The following UBR2 variants were observed in gnomAD, a reference collection of about 807,000 sequenced individuals.
The protein encoded by UBR2 is E3 ubiquitin-protein ligase UBR2.
Under a neutral mutation model 247.9 loss-of-function variants are expected in UBR2, and 92 were observed. The observed-to-expected ratio is 0.37, with a 90% confidence interval of 0.31 to 0.44. UBR2 has a LOEUF of 0.44. Ranked by LOEUF, UBR2 falls within the 20% of genes least tolerant of loss-of-function variation. The probability of loss-of-function intolerance (pLI) is 1.00; values close to 1 mark genes in which losing one functional copy is unlikely to be tolerated. For synonymous variants in UBR2, 672 were observed against 693.5 expected (o/e 0.97, Z 0.49); for missense variants, 1,613 against 2,112.6 (o/e 0.76, Z 4.64).
At chr6:42,676,312 C>A in intron 39 of UBR2, 121 bp downstream of exon 39, 3 of 1,121,602 alleles carry the variant, frequency 2.7e-6, no homozygotes, top group Non-Finnish European at 2.4e-6. Flanking sequence ...CTGTTTTTTT[C>A]TGTGTATCTT....
intron 44 of UBR2, among the ~76,000 whole-genome samples, 156 bp downstream of exon 44, chr6:42,685,027 A>G (rs1225079676): frequency 1.3e-5 from 2 of 152,038 alleles, no homozygotes; most frequent in African/African-American, 2.4e-5. Context: ...AAAAAGAAGA[A>G]ACTTGGCGAG....
intron 2 of UBR2, among the ~76,000 whole-genome samples, chr6:42,580,879 T>C (rs923109987): frequency 6.6e-6 from 1 of 152,110 alleles, no homozygotes; most frequent in Non-Finnish European, 1.5e-5. Flanking sequence ...CCTTATATGA[T>C]TTATGTATTG....
At chr6:42,627,667 GTTTTT>G (rs545353663) in intron 11 of UBR2, among the ~76,000 whole-genome samples, 3 of 146,632 alleles carry the variant, frequency 2.0e-5, no homozygotes, top group Non-Finnish European at 3.0e-5. Flanking sequence ...ACCTGGCTAA[GTTTTT>G]TTTTTTATCT....
In UBR2 at chr6:42,619,447, ATATATATT is replaced by A. The variant is rs763201885; in HGVS notation, c.1281+1942_1281+1949del. 138 of 29,628 alleles carry A rather than the reference ATATATATT, an allele frequency of 4.7e-3. 2 individuals carry two copies. Among genetic ancestry groups the A allele is most frequent in the East Asian group, 0.028 (17 of 604 alleles). 1.8% of individuals were successfully genotyped at this position (29,628 alleles called of 1,614,324 possible). ...TATATATATATATATATATATATAT[ATATATATT>A]TTTTTTTTTTAGTTCTCTATCTCTG... On this transcript the variant is annotated intron_variant, in intron 11 of 46. Coordinates refer to ENST00000372901, the MANE Select transcript of UBR2 (RefSeq NM_001363705.2).
chr6:42,582,535 CT>C (rs1791978213), intron 2 of UBR2, among the ~76,000 whole-genome samples: 1 of 151,972 alleles, frequency 6.6e-6, no homozygotes. Context: ...ACTGCTAAAC[CT>C]TTTTTCCAAA....
At chr6:42,645,736 A>G (rs1013873777) in intron 21 of UBR2, 146 bp downstream of exon 21, 5 of 792,528 alleles carry the variant, frequency 6.3e-6, no homozygotes, top group South Asian at 5.6e-5. Flanking sequence ...CACTCTTATT[A>G]TGAATAATTA....
chr6:42,587,097 G>T (rs1216764180), intron 2 of UBR2, among the ~76,000 whole-genome samples: 2 of 152,024 alleles, frequency 1.3e-5, no homozygotes, highest in Non-Finnish European at 2.9e-5. Context: ...TGGAATTACA[G>T]GCATGAGCCA....
chr6:42,578,760 A>G (rs1380180848), intron 2 of UBR2, among the ~76,000 whole-genome samples: 5 of 152,088 alleles, frequency 3.3e-5, no homozygotes. Context: ...TTGTTCTTTC[A>G]GTTTCTTGCT....
At chr6:42,682,254 G>A (rs1020134448) in intron 42 of UBR2, among the ~76,000 whole-genome samples, 3 of 152,050 alleles carry the variant, frequency 2.0e-5, no homozygotes, top group Admixed American at 6.5e-5. Flanking sequence ...CCAGGGGCTG[G>A]GAGAAGGAAT....
Position 42,644,536 on chromosome 6 carries a change from G to A in UBR2, c.2284G>A (p.Gly762Arg), listed in dbSNP as rs754144193. 4 of 1,607,204 alleles carry A rather than the reference G, an allele frequency of 2.5e-6. No individual in the cohort carries two copies. Among genetic ancestry groups the A allele is most frequent in the Non-Finnish European group, 2.5e-6 (3 of 1,177,526 alleles). ...GCTATACCTCATTATAATGCTTGTT[G>A]GTAAGTTTAAATTGTTTGAGGCATT... ...EMLYLIIMLV[G>R]ERFSPGVGQV... Residue 762 changes from glycine (G) to arginine (R), a missense_variant and splice_region_variant, in exon 20 of 47, where the codon GGA becomes AGA. Physicochemically the swap from Gly to Arg is moderately radical, Grantham distance 125 (BLOSUM62 -2). Coordinates refer to ENST00000372901, the MANE Select transcript of UBR2 (RefSeq NM_001363705.2).
intron 3 of UBR2, among the ~76,000 whole-genome samples, chr6:42,592,978 T>C (rs1792762470): frequency 6.6e-6 from 1 of 151,938 alleles, no homozygotes; most frequent in Admixed American, 6.6e-5. Context: ...ATCAACACCA[T>C]CCTGGCTAAC....
chr6:42,651,348 TTAAA>T lies in UBR2; in HGVS notation c.2566-671_2566-668del, dbSNP rs145403733. 4.0e-3 allele frequency among the ~76,000 whole-genome samples: 608 copies of T among 152,240 alleles called. 1 individual carries two copies. The highest frequency in any genetic ancestry group is 0.014 in the African/African-American group (565 of 41,546). The stretch of plus-strand genomic sequence containing the variant: ...TTTGATGAAGTCATAGAGTTCAAAC[TTAAA>T]TAAGTTTGTACTTATTTAAGTACAT... On this transcript the variant is annotated intron_variant, in intron 23 of 46. Coordinates refer to ENST00000372901, the MANE Select transcript of UBR2 (RefSeq NM_001363705.2).
Position 42,659,948 on chromosome 6 carries a change from A to T in UBR2, c.3442+93A>T. 8.1e-7 allele frequency: 1 copy of T among 1,242,136 alleles called. No individual in the cohort carries two copies. The highest frequency in any genetic ancestry group is 2.0e-5 in the Admixed American group (1 of 51,216). The allele number at this position is 1,242,136 out of a possible 1,614,324, so 76.9% of individuals were successfully genotyped here. A position where few individuals can be genotyped will look rare whatever the true frequency, so the allele number is the denominator to read the frequency against. On this transcript the variant is annotated intron_variant, in intron 30 of 46. Coordinates refer to ENST00000372901, the MANE Select transcript of UBR2 (RefSeq NM_001363705.2). This position sits in a 1 kb window ranked among gnomAD's most constrained non-coding sequence, Gnocchi z 4.3. The stretch of plus-strand genomic sequence containing the variant: ...GTTGAGATTTTTTAAACCTAAAAAT[A>T]ACTCCATGGACTTGGATGGTATCTT...
chr6:42,660,517 T>A (rs1474371212), intron 30 of UBR2, among the ~76,000 whole-genome samples: 1 of 152,132 alleles, frequency 6.6e-6, no homozygotes, highest in Non-Finnish European at 1.5e-5. Context: ...AGGAACTGTG[T>A]CTTGGGAATT....
chr6:42,652,690 T>TA (rs1797194399), intron 25 of UBR2, 45 bp downstream of exon 25: 1 of 1,534,508 alleles, frequency 6.5e-7, no homozygotes, highest in Admixed American at 2.0e-5. Flanking sequence ...TATTTTATAG[T>TA]ACAAGCAAAA....
At chr6:42,626,200 T>G (rs1284152587) in intron 11 of UBR2, among the ~76,000 whole-genome samples, 2 of 152,222 alleles carry the variant, frequency 1.3e-5, no homozygotes, top group Non-Finnish European at 2.9e-5. Context: ...GCGTAGTTTC[T>G]TTTCTTTCGT....
intron 32 of UBR2, among the ~76,000 whole-genome samples, chr6:42,664,441 A>G (rs571853022): frequency 8.5e-5 from 13 of 152,350 alleles, no homozygotes; most frequent in African/African-American, 2.4e-4. Flanking sequence ...TTCTCAATGT[A>G]GAATTATGCT....
chr6:42,688,387 G>A lies in UBR2; in HGVS notation c.5024+1G>A. On this transcript the variant is annotated splice_donor_variant, in intron 45 of 46. Coordinates refer to ENST00000372901, the MANE Select transcript of UBR2 (RefSeq NM_001363705.2). LOFTEE classifies it high-confidence loss of function. ...GCTCTGGAGTGGGCATCTTCCTGAG[G>A]TAAGGACCTGCAGGGGCTTTTTAGC... The A allele has an allele frequency of 6.2e-7, 1 of 1,612,660 alleles. No homozygotes were observed. The highest frequency in any genetic ancestry group is 8.5e-7 in the Non-Finnish European group (1 of 1,179,896).
intron 11 of UBR2, among the ~76,000 whole-genome samples, chr6:42,628,195 G>A (rs1349304357): frequency 6.6e-5 from 10 of 151,094 alleles, no homozygotes; most frequent in East Asian, 5.8e-4. Context: ...TTTATTAAGC[G>A]TTTCTAGTTG....
Sources: allele counts gnomAD v4.1 joint callset (sites outside exome capture counted in the v4.1 genomes callset), GRCh38; gene constraint gnomAD v4.1.1; non-coding constraint Gnocchi (gnomAD v3.1); transcripts MANE v1.5; gene names NCBI Gene and HGNC (gene_info 2026-07-23, HGNC 2026-07-21).